RBSN: variants seen among roughly 807,000 people sequenced by gnomAD.
RBSN encodes the protein rabenosyn-5.
Under a neutral mutation model 60.5 loss-of-function variants are expected in RBSN, and 34 were observed. That is an observed-to-expected ratio of 0.56 (90% CI 0.43 to 0.75). RBSN has a LOEUF of 0.75. Among genes scored for constraint, RBSN ranks in the 30% least tolerant of loss-of-function variants. RBSN has a pLI of 0.00. For missense variants in RBSN, 845 were observed against 986.8 expected, an observed-to-expected ratio of 0.86 and a Z score of 1.92; for synonymous variants, 322 against 366.9, an observed-to-expected ratio of 0.88 and a Z score of 1.40.
At chr3:15,092,044 G>T (rs2043529764) in intron 4 of RBSN, among the ~76,000 whole-genome samples, 1 of 152,010 alleles carries the variant, frequency 6.6e-6, no homozygotes, top group African/African-American at 2.4e-5. Flanking sequence ...TAGAGACAGG[G>T]TCTTGCTCTG....
At chr3:15,093,249 C>T (rs1264284048) in intron 4 of RBSN, among the ~76,000 whole-genome samples, 1 of 152,184 alleles carries the variant, frequency 6.6e-6, no homozygotes, top group Non-Finnish European at 1.5e-5. Flanking sequence ...TTCAAAAAAC[C>T]TTTCATGTCA....
intron 12 of RBSN, 57 bp from the exon 13 acceptor site, chr3:15,075,767 T>G: frequency 7.0e-7 from 1 of 1,425,186 alleles, no homozygotes. Flanking sequence ...AAAATGAACC[T>G]TAAGCCCCAT....
rs1455029622 is a variant in RBSN at position 15,073,779 on chromosome 3, T to A, written c.*3A>T. On this transcript the variant is annotated 3_prime_UTR_variant, in exon 14 of 14. Transcript: ENST00000253699. ...GGCCCAAAGGTGCCCTCTCCACTGC[T>A]GGTCAGTCAGTGCCCCCCTTCTGCT... The A allele has an allele frequency of 6.3e-7, 1 of 1,595,516 alleles. No individual in the cohort carries two copies. The highest frequency in any genetic ancestry group is 2.2e-5 in the East Asian group (1 of 44,822).
intron 4 of RBSN, among the ~76,000 whole-genome samples, chr3:15,092,502 G>A (rs535823575): frequency 3.6e-4 from 55 of 152,220 alleles, no homozygotes; most frequent in Middle Eastern, 3.4e-3. Context: ...TGCCTTCCAG[G>A]GGTTCAAGGG....
At chr3:15,095,171 C>T (rs775470121) in intron 4 of RBSN, among the ~76,000 whole-genome samples, 6 of 151,964 alleles carry the variant, frequency 3.9e-5, no homozygotes, top group South Asian at 2.1e-4. Context: ...TGCACCATCA[C>T]GCCCGGCTAG....
Position 15,074,705 on chromosome 3 carries a change from G to A in RBSN, c.1432C>T (p.Arg478Cys), listed in dbSNP as rs747667676. Residue 478 changes from arginine to cysteine, a missense_variant, in exon 14 of 14, where the codon CGC becomes TGC. Arg to Cys is a radical substitution (Grantham distance 180, BLOSUM62 -3). Coordinates refer to ENST00000253699, the MANE Select transcript of RBSN (RefSeq NM_022340.4). This position sits in a 1 kb window ranked among gnomAD's most constrained non-coding sequence, Gnocchi z 6.4. ...SFIRQAKAAG[R>C]MDEVRTLQEN... Reference sequence around the variant, plus strand: ...TGCAGAGTGCGCACTTCATCCATGCGGCCCGCGGCCTTGGCCTGCCTGATG... The same window carrying A: ...TGCAGAGTGCGCACTTCATCCATGCAGCCCGCGGCCTTGGCCTGCCTGATG... 7.9e-5 allele frequency: 128 copies of A among 1,614,106 alleles called. 1 individual carries two copies. Among genetic ancestry groups the A allele is most frequent in the Non-Finnish European group, 9.9e-5 (117 of 1,180,046 alleles).
At position 15,077,855 on chromosome 3, in the gene RBSN, G is replaced by C. The variant is rs1459601999; in HGVS notation, c.998+220C>G. ...GGCAGGTGATAGGTGTCAATAACCA[G>C]CTCCTCTTTCTTTAATAATAGCAAA... On this transcript the variant is annotated intron_variant, in intron 11 of 13. Coordinates refer to ENST00000253699, the MANE Select transcript of RBSN (RefSeq NM_022340.4). This position sits in a 1 kb window ranked among gnomAD's most constrained non-coding sequence, Gnocchi z 4.4. 6.6e-6 allele frequency among the ~76,000 whole-genome samples: 1 copy of C among 152,188 alleles called. No homozygotes were observed. The highest frequency in any genetic ancestry group is 1.5e-5 in the Non-Finnish European group (1 of 68,042).
At chr3:15,081,117 G>A (rs1020985443) in intron 9 of RBSN, 5 of 238,862 alleles carry the variant, frequency 2.1e-5, no homozygotes, top group East Asian at 9.6e-5. Flanking sequence ...GGGCTCAAGC[G>A]ATTCTCATGC....
At chr3:15,095,275 T>C (rs1196362633) in intron 4 of RBSN, among the ~76,000 whole-genome samples, 1 of 151,278 alleles carries the variant, frequency 6.6e-6, no homozygotes, top group Non-Finnish European at 1.5e-5. Flanking sequence ...CTGCCCACTC[T>C]GGCCTCCCAA....
Position 15,074,428 on chromosome 3 carries a change from G to A in RBSN, c.1709C>T (p.Ala570Val), listed in dbSNP as rs200565372. 8.1e-6 allele frequency: 13 copies of A among 1,614,222 alleles called. No homozygotes were observed. Among genetic ancestry groups the A allele is most frequent in the South Asian group, 1.1e-5 (1 of 91,090 alleles). Residue 570 changes from alanine (A) to valine (V), a missense_variant, in exon 14 of 14, where the codon GCT (alanine) becomes GTT (valine). Transcript: ENST00000253699. This position sits in a 1 kb window ranked among gnomAD's most constrained non-coding sequence, Gnocchi z 6.4. ...EPSREPRTHL[A>V]YALDLGSSPV... ...GGAAGAGCCTAGATCCAAAGCATAA[G>A]CAAGGTGGGTGCGAGGCTCTCTGCT...
chr3:15,077,073 G>C lies in RBSN; in HGVS notation c.1090C>G (p.Leu364Val). ...CAGGATGGCTTTACCTGCACAAAAAGTGTAGCTGAGTATCTGATCATTCTC... is the reference window on the plus strand; with the variant it reads ...CAGGATGGCTTTACCTGCACAAAAACTGTAGCTGAGTATCTGATCATTCTC... ...LQRMIRYSATLFVQEKLLGLM... is the reference protein window; with the variant it reads ...LQRMIRYSATVFVQEKLLGLM... Residue 364 changes from leucine to valine, a missense_variant, in exon 12 of 14, where the codon CTT (leucine) becomes GTT (valine). Coordinates refer to ENST00000253699, the MANE Select transcript of RBSN (RefSeq NM_022340.4). The surrounding 1 kb of genome is among the most constrained non-coding windows in gnomAD (Gnocchi z 4.4). 1 of 1,614,100 alleles carries C rather than the reference G, an allele frequency of 6.2e-7. No homozygotes were observed. Among genetic ancestry groups the C allele is most frequent in the Non-Finnish European group, 8.5e-7 (1 of 1,179,964 alleles).
intron 8 of RBSN, among the ~76,000 whole-genome samples, chr3:15,083,723 A>C (rs2043265426): frequency 6.6e-6 from 1 of 151,996 alleles, no homozygotes; most frequent in South Asian, 2.1e-4. Context: ...AGCCCACAGC[A>C]CTCAGCATCT....
At position 15,085,951 on chromosome 3, in the gene RBSN, T is replaced by A. The variant is rs2043326968; in HGVS notation, c.300A>T (p.Arg100Ser). 1 of 1,613,842 alleles carries A rather than the reference T, an allele frequency of 6.2e-7. No individual in the cohort carries two copies. Among genetic ancestry groups the A allele is most frequent in the African/African-American group, 1.3e-5 (1 of 74,880 alleles). ...GTTTTTTGAAGTCGGAAAGATGGCTTCTCACAGCACCTAGAGGGAAGGAAG... is the reference window on the plus strand; with the variant it reads ...GTTTTTTGAAGTCGGAAAGATGGCTACTCACAGCACCTAGAGGGAAGGAAG... ...MWEPQELGAV[R>S]SHLSDFKKHR... The change falls in exon 6 of 14, where the codon AGA becomes AGT. Residue 100 changes from arginine (R) to serine (S), a missense_variant. Arg to Ser is a moderately radical substitution (Grantham distance 110). Transcript: ENST00000253699.
At position 15,074,269 on chromosome 3, in the gene RBSN, G is replaced by A. The variant is rs1297166329; in HGVS notation, c.1868C>T (p.Pro623Leu). The change falls in exon 14 of 14, where the codon CCC (proline) becomes CTC (leucine). Residue 623 changes from proline (P) to leucine (L), a missense_variant. Coordinates refer to ENST00000253699, the MANE Select transcript of RBSN (RefSeq NM_022340.4). This position sits in a 1 kb window ranked among gnomAD's most constrained non-coding sequence, Gnocchi z 6.4. ...QSSMPQQHEG[P>L]SLNPFDEEDL... ...TTCCTCATCAAAGGGGTTTAAGGAG[G>A]GCCCCTCATGTTGCTGTGGCATGCT... 2 of 1,612,962 alleles carry A rather than the reference G, an allele frequency of 1.2e-6. No homozygotes were observed. Among genetic ancestry groups the A allele is most frequent in the Non-Finnish European group, 1.7e-6 (2 of 1,179,502 alleles).
At chr3:15,081,175 C>T (rs1436188299) in intron 9 of RBSN, 4 of 171,408 alleles carry the variant, frequency 2.3e-5, no homozygotes, top group East Asian at 1.6e-4. Context: ...CCACCACGCC[C>T]GGCTAATTTT....
intron 10 of RBSN, among the ~76,000 whole-genome samples, chr3:15,078,818 A>ATATATATATATG (rs2043131793): frequency 8.7e-6 from 1 of 115,022 alleles, no homozygotes; most frequent in African/African-American, 3.2e-5. Context: ...ATATATATAT[A>ATATATATATATG]TATATACATG....
At chr3:15,087,623 C>CTT (rs138311581) in intron 5 of RBSN, among the ~76,000 whole-genome samples, 8,030 of 152,228 alleles carry the variant, frequency 0.053, 251 homozygotes, top group East Asian at 0.13. Context: ...ATGCTATACT[C>CTT]TTTATTTATT....
In RBSN at chr3:15,073,804, T is replaced by C. The variant is rs1439716034; in HGVS notation, c.2333A>G (p.Lys778Arg). The C allele has an allele frequency of 1.2e-6, 2 of 1,606,946 alleles. No homozygotes were observed. Among genetic ancestry groups the C allele is most frequent in the Non-Finnish European group, 8.5e-7 (1 of 1,177,084 alleles). The change falls in exon 14 of 14, where the codon AAG becomes AGG. Residue 778 changes from lysine to arginine, a missense_variant. Physicochemically the swap from Lys to Arg is conservative, Grantham distance 26. Coordinates refer to ENST00000253699, the MANE Select transcript of RBSN (RefSeq NM_022340.4). ...NLRELKHTLA[K>R]QKGGTD ...TGGTCAGTCAGTGCCCCCCTTCTGCTTGGCCAGGGTGTGCTTCAGCTCCCG... is the reference window on the plus strand; with the variant it reads ...TGGTCAGTCAGTGCCCCCCTTCTGCCTGGCCAGGGTGTGCTTCAGCTCCCG...
chr3:15,087,962 A>G (rs1474126745), intron 5 of RBSN, among the ~76,000 whole-genome samples: 1 of 152,134 alleles, frequency 6.6e-6, no homozygotes, highest in Non-Finnish European at 1.5e-5. Flanking sequence ...TTTCTTCCCT[A>G]ATCATACTCT....
Sources: allele counts gnomAD v4.1 joint callset (sites outside exome capture counted in the v4.1 genomes callset), GRCh38; gene constraint gnomAD v4.1.1; non-coding constraint Gnocchi (gnomAD v3.1); transcripts MANE v1.5; gene names NCBI Gene and HGNC (gene_info 2026-07-23, HGNC 2026-07-21).